GOLGA4: variants seen among roughly 807,000 people sequenced by gnomAD.
The protein encoded by GOLGA4 is golgin A4.
A neutral mutation model predicts 265.9 loss-of-function variants in GOLGA4; 169 were observed. The observed-to-expected ratio is 0.64, with a 90% confidence interval of 0.56 to 0.72. The LOEUF is 0.72. Among genes scored for constraint, GOLGA4 ranks in the 30% least tolerant of loss-of-function variants. The probability of loss-of-function intolerance (pLI) is 0.00; values close to 1 mark genes in which losing one functional copy is unlikely to be tolerated. For missense variants in GOLGA4, 2,482 were observed against 2,483.4 expected (o/e 1.00, Z 0.01); for synonymous variants, 923 against 855.8 (o/e 1.08, Z -1.37).
intron 20 of GOLGA4, among the ~76,000 whole-genome samples, chr3:37,346,782 G>A (rs373870993): frequency 1.3e-5 from 2 of 152,150 alleles, no homozygotes; most frequent in Non-Finnish European, 2.9e-5. Flanking sequence ...AGTAGTACAC[G>A]AGTCTCCATT....
chr3:37,264,861 A>C (rs948409824), intron 2 of GOLGA4, among the ~76,000 whole-genome samples: 2 of 151,968 alleles, frequency 1.3e-5, no homozygotes, highest in African/African-American at 2.4e-5. Context: ...ATGCCTGGCA[A>C]ATTTTTTGTA....
intron 21 of GOLGA4, among the ~76,000 whole-genome samples, chr3:37,353,073 A>G (rs1365614330): frequency 2.0e-5 from 3 of 152,046 alleles, no homozygotes; most frequent in Non-Finnish European, 4.4e-5. Context: ...AAGGAAAGAG[A>G]TGGGGGCTCA....
Position 37,346,104 on chromosome 3 carries a change from T to C in GOLGA4, c.6473-1089T>C, listed in dbSNP as rs114087189. ...GGGGAAATAATGTGTTTTCATTATT[T>C]AGTTCTTAAGAACTCTATACTTGCA... On this transcript the variant is annotated intron_variant, in intron 20 of 23. Coordinates refer to ENST00000361924, the MANE Select transcript of GOLGA4 (RefSeq NM_002078.5). Among the ~76,000 whole-genome samples the C allele has an allele frequency of 3.0e-3, 463 of 152,334 alleles. 3 individuals are homozygous for C. The Middle Eastern group carries it at 0.031, about 10-fold the overall frequency.
chr3:37,274,101 A>AAC (rs2150730984), intron 2 of GOLGA4, among the ~76,000 whole-genome samples: 1 of 147,334 alleles, frequency 6.8e-6, no homozygotes, highest in African/African-American at 2.5e-5. Flanking sequence ...CTCTGTCTCA[A>AAC]AAAAAAAAAA....
chr3:37,361,636 C>T (rs1410764208), intron 23 of GOLGA4, among the ~76,000 whole-genome samples: 1 of 152,040 alleles, frequency 6.6e-6, no homozygotes, highest in Non-Finnish European at 1.5e-5. Flanking sequence ...CAAGAATGAT[C>T]TTTGAAATTA....
In GOLGA4 at chr3:37,243,460, A is replaced by C. The variant is rs2096708225; in HGVS notation, c.-91A>C. 9.1e-7 allele frequency: 1 copy of C among 1,101,020 alleles called. No individual in the cohort carries two copies. Among genetic ancestry groups the C allele is most frequent in the Non-Finnish European group, 1.4e-6 (1 of 715,762 alleles). The allele number at this position is 1,101,020 out of a possible 1,614,324, so 68.2% of individuals were successfully genotyped here. ...GCCCGGCCCCCGCTGTCCCTGGTGT[A>C]AAGAAGTCGCCGTAGCCGTCGCGGC... On this transcript the variant is annotated 5_prime_UTR_variant, in exon 1 of 24. The change abolishes the stop of an existing upstream ORF in the 5' untranslated region. Transcript: ENST00000361924.
In GOLGA4 at chr3:37,294,890, A is replaced by G. The variant is rs1578551443; in HGVS notation, c.583-89A>G. The G allele has an allele frequency of 4.2e-6, 3 of 718,230 alleles. No homozygotes were observed. In the East Asian group the frequency reaches 8.1e-5, roughly 19 times the overall value. The allele number at this position is 718,230 out of a possible 1,614,324, so 44.5% of individuals were successfully genotyped here. On this transcript the variant is annotated intron_variant, in intron 5 of 23. Coordinates refer to ENST00000361924, the MANE Select transcript of GOLGA4 (RefSeq NM_002078.5). ...TTGCTGATACCTTAAGGGGAATGCA[A>G]ATCTGTATTCAACATGTTTTTAAAT...
chr3:37,294,373 T>C (rs1320389424), intron 5 of GOLGA4, among the ~76,000 whole-genome samples: 3 of 148,374 alleles, frequency 2.0e-5, no homozygotes, highest in African/African-American at 7.6e-5. Context: ...TTTTCTTTTA[T>C]CTTAAGTAAT....
At chr3:37,265,278 G>A (rs955000822) in intron 2 of GOLGA4, among the ~76,000 whole-genome samples, 3 of 152,074 alleles carry the variant, frequency 2.0e-5, no homozygotes, top group African/African-American at 7.2e-5. Context: ...TACAGTTTCT[G>A]AAAGAAAACT....
At chr3:37,282,563 A>G (rs2096837652) in intron 3 of GOLGA4, among the ~76,000 whole-genome samples, 1 of 152,162 alleles carries the variant, frequency 6.6e-6, no homozygotes, top group African/African-American at 2.4e-5. Context: ...CCCTCTGTTC[A>G]AGGTCACTTG....
In GOLGA4 at chr3:37,325,310, G is replaced by T; in HGVS notation, c.3424G>T (p.Asp1142Tyr). ...LKAHLEKLEV[D>Y]LNKSLKENTF... ...AGCTCATCTTGAAAAGCTAGAGGTT[G>T]ACTTGAATAAGTCTCTGAAGGAAAA... is the stretch of plus-strand genomic sequence containing the variant. Residue 1142 changes from aspartate to tyrosine, a missense_variant, in exon 14 of 24, where the codon GAC (aspartate) becomes TAC (tyrosine). By Grantham distance (160) the Asp-to-Tyr change is radical. Around this residue, in one of 3 missense-constraint regions of GOLGA4, gnomAD observed 1,536 missense variants for 1,483.7 expected, o/e 1.04. Coordinates refer to ENST00000361924, the MANE Select transcript of GOLGA4 (RefSeq NM_002078.5). 1 of 1,613,712 alleles carries T rather than the reference G, an allele frequency of 6.2e-7. No individual in the cohort carries two copies. The highest frequency in any genetic ancestry group is 1.1e-5 in the South Asian group (1 of 90,968).
At position 37,325,176 on chromosome 3, in the gene GOLGA4, T is replaced by C. The variant is rs191831854; in HGVS notation, c.3290T>C (p.Leu1097Pro). The C allele has an allele frequency of 1.1e-4, 173 of 1,613,772 alleles. No individual in the cohort carries two copies. In the East Asian group the frequency reaches 3.8e-3, roughly 35 times the overall value. ...GAGATGAACAAGGAAATAACATGGC[T>C]GAAGGAAGAAGGTGTTAAGCAGGAT... ...KEEMNKEITW[L>P]KEEGVKQDTT... Residue 1097 changes from leucine (L) to proline (P), a missense_variant, in exon 14 of 24, where the codon CTG becomes CCG. Leu to Pro is a moderately conservative substitution (Grantham distance 98). This residue lies in a region of GOLGA4 where 1,536 missense variants were observed against 1,483.7 expected (regional missense o/e 1.04). Transcript: ENST00000361924.
At chr3:37,304,302 A>G (rs1282358427) in intron 10 of GOLGA4, among the ~76,000 whole-genome samples, 2 of 152,230 alleles carry the variant, frequency 1.3e-5, no homozygotes, top group African/African-American at 4.8e-5. Flanking sequence ...AGACAGAGAA[A>G]TAGTTGACTA....
intron 19 of GOLGA4, among the ~76,000 whole-genome samples, chr3:37,338,861 CTTT>C (rs1284511741): frequency 6.2e-5 from 8 of 129,898 alleles, no homozygotes; most frequent in Admixed American, 7.8e-5. Context: ...TTATGTTAGG[CTTT>C]TTTTTTTTTT....
chr3:37,261,620 T>C (rs2096770122), intron 2 of GOLGA4, among the ~76,000 whole-genome samples: 1 of 152,200 alleles, frequency 6.6e-6, no homozygotes, highest in Non-Finnish European at 1.5e-5. Context: ...TTTAATTTTC[T>C]CTTTGAACTC....
chr3:37,286,467 T>C (rs996702949), intron 4 of GOLGA4, among the ~76,000 whole-genome samples: 3 of 152,212 alleles, frequency 2.0e-5, no homozygotes, highest in Admixed American at 6.5e-5. Context: ...GTAAGATATT[T>C]CTAAGCCTTC....
intron 1 of GOLGA4, 164 bp downstream of exon 1, chr3:37,243,786 G>A (rs1008940124): frequency 6.6e-6 from 4 of 608,322 alleles, no homozygotes; most frequent in South Asian, 4.0e-5. Flanking sequence ...GGTGCAGGTC[G>A]TCCGTAACTC....
chr3:37,337,816 T>G (rs2097019493), intron 19 of GOLGA4, 82 bp downstream of exon 19: 1 of 919,814 alleles, frequency 1.1e-6, no homozygotes, highest in South Asian at 1.4e-5. Flanking sequence ...TTTAAATAGT[T>G]GGCTTTGAAA....
intron 6 of GOLGA4, 25 bp from the exon 7 acceptor site, chr3:37,296,062 T>G: frequency 6.2e-7 from 1 of 1,609,780 alleles, no homozygotes; most frequent in Non-Finnish European, 8.5e-7. Context: ...TTTGACTTTT[T>G]TCTAATGAAG....
Sources: allele counts gnomAD v4.1 joint callset (sites outside exome capture counted in the v4.1 genomes callset), GRCh38; gene constraint gnomAD v4.1.1; regional missense constraint gnomAD v4.1.1; transcripts MANE v1.5; gene names NCBI Gene and HGNC (gene_info 2026-07-23, HGNC 2026-07-21).